FSHR: variants seen among roughly 807,000 people sequenced by gnomAD.
FSHR encodes the protein follicle-stimulating hormone receptor.
In FSHR, 46 loss-of-function variants were observed where a neutral mutation model predicts 52.1. The observed-to-expected ratio is 0.88, with a 90% CI of 0.70 to 1.13. The LOEUF is 1.13. Among genes scored for constraint, FSHR ranks in the 50% most tolerant of loss-of-function variants. The pLI is 0.00. For missense variants in FSHR, 964 were observed against 834.6 expected (o/e 1.16, Z -1.91); for synonymous variants, 399 against 309.6 (o/e 1.29, Z -3.03).
chr2:49,008,100 A>G (rs947808020), intron 4 of FSHR, among the ~76,000 whole-genome samples: 4 of 150,198 alleles, frequency 2.7e-5, no homozygotes, highest in African/African-American at 9.8e-5. Context: ...ATATGTATAC[A>G]TGTGCCATGC....
chr2:49,097,570 A>C (rs1558439676), intron 1 of FSHR, among the ~76,000 whole-genome samples: 3 of 152,200 alleles, frequency 2.0e-5, no homozygotes, highest in Admixed American at 1.3e-4. Context: ...AAGATTTTCA[A>C]ACCCCTGAGG....
intron 2 of FSHR, among the ~76,000 whole-genome samples, chr2:49,046,416 C>T (rs1668656283): frequency 6.6e-6 from 1 of 152,200 alleles, no homozygotes; most frequent in Admixed American, 6.5e-5. Flanking sequence ...TAATTCCTGG[C>T]TTCATCACTT....
At chr2:48,980,704 G>C (rs551645281) in intron 8 of FSHR, among the ~76,000 whole-genome samples, 1 of 152,264 alleles carries the variant, frequency 6.6e-6, no homozygotes, top group African/African-American at 2.4e-5. Context: ...TGGCAACATG[G>C]TATGGTGGGA....
At chr2:49,153,922 T>G (rs904251500) in intron 1 of FSHR, among the ~76,000 whole-genome samples, 3 of 152,200 alleles carry the variant, frequency 2.0e-5, no homozygotes, top group Admixed American at 2.0e-4. Flanking sequence ...CTGGGTCTCC[T>G]AAGTTTCTAC....
intron 4 of FSHR, among the ~76,000 whole-genome samples, chr2:49,008,986 C>A (rs1043310083): frequency 1.3e-4 from 20 of 151,494 alleles, no homozygotes; most frequent in Admixed American, 2.6e-4. Flanking sequence ...TTGCCTGTTC[C>A]CTCTGATGGT....
chr2:49,082,451 A>C lies in FSHR; in HGVS notation c.153-14161T>G, dbSNP rs1055334671. Among the ~76,000 whole-genome samples, 8 of 152,366 alleles carry C rather than the reference A, an allele frequency of 5.3e-5. No individual in the cohort carries two copies. The East Asian group carries it at 1.5e-3, about 29-fold the overall frequency. Reference sequence around the variant, plus strand: ...AAAAGCAGAGCGACTCTCCTCCTCCAAAGGAACGCAGTTCCTCACCAGCAA... The same window carrying C: ...AAAAGCAGAGCGACTCTCCTCCTCCCAAGGAACGCAGTTCCTCACCAGCAA... On this transcript the variant is annotated intron_variant, in intron 1 of 9. Coordinates refer to ENST00000406846, the MANE Select transcript of FSHR (RefSeq NM_000145.4).
At chr2:48,970,990 G>T (rs960690893) in intron 8 of FSHR, among the ~76,000 whole-genome samples, 15 of 152,084 alleles carry the variant, frequency 9.9e-5, no homozygotes, top group African/African-American at 2.9e-4. Flanking sequence ...CAAATGCAAA[G>T]GTCTTATAAC....
chr2:49,105,195 T>G (rs1558443809), intron 1 of FSHR, among the ~76,000 whole-genome samples: 1 of 152,088 alleles, frequency 6.6e-6, no homozygotes, highest in Non-Finnish European at 1.5e-5. Flanking sequence ...ATCTGAATAT[T>G]AGGAACAGCC....
chr2:49,101,061 G>A (rs187743530), intron 1 of FSHR, among the ~76,000 whole-genome samples: 1 of 152,266 alleles, frequency 6.6e-6, no homozygotes, highest in East Asian at 1.9e-4. Context: ...ATCATTGAGA[G>A]GTCATTGGTG....
At chr2:49,123,663 C>A (rs900803248) in intron 1 of FSHR, among the ~76,000 whole-genome samples, 1 of 152,064 alleles carries the variant, frequency 6.6e-6, no homozygotes, top group Admixed American at 6.5e-5. Context: ...TAAAATACAA[C>A]TTTAAAATAA....
intron 8 of FSHR, 66 bp downstream of exon 8, chr2:48,982,846 C>T (rs1205091671): frequency 3.7e-6 from 5 of 1,356,554 alleles, no homozygotes; most frequent in Non-Finnish European, 5.3e-6. Flanking sequence ...CCCCTAGCTG[C>T]AGAGAGTTGA....
chr2:49,140,156 T>A (rs538337117), intron 1 of FSHR, among the ~76,000 whole-genome samples: 1 of 152,114 alleles, frequency 6.6e-6, no homozygotes, highest in East Asian at 1.9e-4. Flanking sequence ...TAAAATATAA[T>A]CCCCAATTTT....
At position 48,962,948 on chromosome 2, in the gene FSHR, G is replaced by A. The variant is rs762404451; in HGVS notation, c.1873C>T (p.Leu625Phe). The A allele has an allele frequency of 6.2e-7, 1 of 1,614,164 alleles. No homozygotes were observed. Among genetic ancestry groups the A allele is most frequent in the South Asian group, 1.1e-5 (1 of 91,086 alleles). ...HPINSCANPF[L>F]YAIFTKNFRR... ...AAGTTTTTGGTAAAGATGGCATAGA[G>A]GAAGGGGTTGGCACAGGAGTTGATG... Residue 625 changes from leucine (L) to phenylalanine (F), a missense_variant, in exon 10 of 10, where the codon CTC becomes TTC. Coordinates refer to ENST00000406846, the MANE Select transcript of FSHR (RefSeq NM_000145.4).
In FSHR at chr2:48,962,575, C is replaced by G; in HGVS notation, c.*158G>C. ...AATAATTCAGCTTCCTAATGTATCACATGGAATTAATAGTTCCTGACCAAT... is the reference window on the plus strand; with the variant it reads ...AATAATTCAGCTTCCTAATGTATCAGATGGAATTAATAGTTCCTGACCAAT... On this transcript the variant is annotated 3_prime_UTR_variant, in exon 10 of 10. Coordinates refer to ENST00000406846, the MANE Select transcript of FSHR (RefSeq NM_000145.4). 2 of 682,276 alleles carry G rather than the reference C, an allele frequency of 2.9e-6. No individual in the cohort carries two copies. Among genetic ancestry groups the G allele is most frequent in the Non-Finnish European group, 5.0e-6 (2 of 397,558 alleles). 42.3% of individuals were successfully genotyped at this position (682,276 alleles called of 1,614,324 possible). A position where few individuals can be genotyped will look rare whatever the true frequency, so the allele number is the denominator to read the frequency against.
chr2:48,976,230 T>A (rs1674981883), intron 8 of FSHR, among the ~76,000 whole-genome samples: 1 of 152,226 alleles, frequency 6.6e-6, no homozygotes, highest in African/African-American at 2.4e-5. Flanking sequence ...ATTTTCTGCA[T>A]CTATTGAGAT....
intron 2 of FSHR, among the ~76,000 whole-genome samples, chr2:49,058,521 G>T (rs1669152392): frequency 6.6e-6 from 1 of 152,038 alleles, no homozygotes; most frequent in Admixed American, 6.5e-5. Context: ...ACTCCAGCTT[G>T]GTGACAGAGC....
At chr2:48,999,470 T>G (rs1365902690) in intron 4 of FSHR, among the ~76,000 whole-genome samples, 2 of 152,062 alleles carry the variant, frequency 1.3e-5, no homozygotes, top group Non-Finnish European at 2.9e-5. Context: ...ATTATGAGAG[T>G]TGCCCAAGAA....
At chr2:49,093,037 G>C (rs955914061) in intron 1 of FSHR, among the ~76,000 whole-genome samples, 2 of 152,156 alleles carry the variant, frequency 1.3e-5, no homozygotes, top group African/African-American at 4.8e-5. Flanking sequence ...ATAATTCTTA[G>C]TTTATGTTGC....
At chr2:49,006,398 C>G (rs144049750) in intron 4 of FSHR, among the ~76,000 whole-genome samples, 1,917 of 152,108 alleles carry the variant, frequency 0.013, 28 homozygotes, top group African/African-American at 0.043. Context: ...AATTTTTCTC[C>G]CAATCTTACC....
Sources: allele counts gnomAD v4.1 joint callset (sites outside exome capture counted in the v4.1 genomes callset), GRCh38; gene constraint gnomAD v4.1.1; transcripts MANE v1.5; gene names NCBI Gene and HGNC (gene_info 2026-07-23, HGNC 2026-07-21).